PRLR: variants seen among roughly 807,000 people sequenced by gnomAD.
The protein encoded by PRLR is prolactin receptor, also known as hPRL receptor.
Under a neutral mutation model 40.2 loss-of-function variants are expected in PRLR, and 13 were observed. The ratio of observed to expected loss-of-function variants is 0.32; its 90% CI spans 0.21 to 0.51. The LOEUF (loss-of-function observed/expected upper bound fraction) is 0.51. Among genes scored for constraint, PRLR ranks in the 20% least tolerant of loss-of-function variants. The pLI is 0.97. For missense variants in PRLR, 656 were observed against 747.3 expected (o/e 0.88, Z 1.42); for synonymous variants, 269 against 278.7 (o/e 0.97, Z 0.35).
chr5:35,050,539 C>T (rs1037568817), intron 8 of PRLR, among the ~76,000 whole-genome samples: 1 of 152,028 alleles, frequency 6.6e-6, no homozygotes, highest in Non-Finnish European at 1.5e-5. Context: ...AGGGGAGAAG[C>T]CTTTCATCAA....
intron 1 of PRLR, among the ~76,000 whole-genome samples, chr5:35,186,765 TTTACAATGTTC>T (rs1436286781): frequency 2.0e-5 from 3 of 152,172 alleles, no homozygotes; most frequent in Non-Finnish European, 4.4e-5. Context: ...TAAGCAGATT[TTTACAATGTTC>T]TTGCTTAAAA....
At chr5:35,137,370 G>A (rs1224624534) in intron 1 of PRLR, among the ~76,000 whole-genome samples, 1 of 152,054 alleles carries the variant, frequency 6.6e-6, no homozygotes, top group Non-Finnish European at 1.5e-5. Flanking sequence ...TCTCATGGAG[G>A]ATCTCCAAAC....
In PRLR at chr5:35,068,880, TA is replaced by T. The variant is rs764061339; in HGVS notation, c.686-3del. The T allele has an allele frequency of 1.2e-6, 2 of 1,603,478 alleles. No homozygotes were observed. The highest frequency in any genetic ancestry group is 1.3e-5 in the African/African-American group (1 of 74,624). ...CGGTTGTATCATTCATGGTGAAGTC[TA>T]AAAAACAAACAGCCAGAAAGCTTTG... On this transcript the variant is annotated splice_region_variant and splice_polypyrimidine_tract_variant and intron_variant, in intron 7 of 9. Coordinates refer to ENST00000618457, the MANE Select transcript of PRLR (RefSeq NM_000949.7).
At chr5:35,127,940 C>T (rs1445606998) in intron 1 of PRLR, among the ~76,000 whole-genome samples, 1 of 152,010 alleles carries the variant, frequency 6.6e-6, no homozygotes, top group Non-Finnish European at 1.5e-5. Context: ...GATGGTTGCA[C>T]AACTGTAAAT....
At chr5:35,066,666 C>CTATTCCATCACCT (rs1471044647) in intron 9 of PRLR, among the ~76,000 whole-genome samples, 1 of 151,770 alleles carries the variant, frequency 6.6e-6, no homozygotes, top group African/African-American at 2.4e-5. Context: ...CTTCATCACC[C>CTATTCCATCACCT]TATTCCATAT....
At chr5:35,075,251 C>T (rs7714144) in intron 5 of PRLR, among the ~76,000 whole-genome samples, 14,605 of 152,130 alleles carry the variant, frequency 0.096, 1,091 homozygotes, top group African/African-American at 0.2. Flanking sequence ...TTGTCTCACC[C>T]GGGAAGTGCA....
chr5:35,106,465 CTGTATTCAGG>C (rs1772256992), intron 2 of PRLR, among the ~76,000 whole-genome samples: 1 of 152,158 alleles, frequency 6.6e-6, no homozygotes, highest in African/African-American at 2.4e-5. Flanking sequence ...CATCAGTGTG[CTGTATTCAGG>C]AGACCCACTT....
chr5:35,206,994 G>A (rs577919787), intron 1 of PRLR, among the ~76,000 whole-genome samples: 2 of 152,136 alleles, frequency 1.3e-5, no homozygotes, highest in South Asian at 4.1e-4. Context: ...ATCTTAATAT[G>A]TTAATATGAA....
At chr5:35,126,308 C>T (rs1402579302) in intron 1 of PRLR, among the ~76,000 whole-genome samples, 1 of 152,160 alleles carries the variant, frequency 6.6e-6, no homozygotes, top group African/African-American at 2.4e-5. Context: ...GGATCTGGCT[C>T]CCCAGAGCTG....
intron 1 of PRLR, among the ~76,000 whole-genome samples, chr5:35,217,376 G>A (rs1460542794): frequency 6.6e-6 from 1 of 152,160 alleles, no homozygotes; most frequent in African/African-American, 2.4e-5. Context: ...ACCCAGATGT[G>A]TGCATCTTGT....
chr5:35,173,467 G>T (rs62355513), intron 1 of PRLR, among the ~76,000 whole-genome samples: 1 of 152,038 alleles, frequency 6.6e-6, no homozygotes, highest in Admixed American at 6.5e-5. Context: ...TCAGGACCCC[G>T]CACAGCTCAG....
intron 1 of PRLR, among the ~76,000 whole-genome samples, chr5:35,118,811 G>T (rs959887569): frequency 1.3e-5 from 2 of 150,862 alleles, no homozygotes; most frequent in African/African-American, 4.9e-5. Context: ...TTTTTGACAG[G>T]GTCTTACTGT....
At chr5:35,106,395 A>G (rs1772252706) in intron 2 of PRLR, among the ~76,000 whole-genome samples, 3 of 152,240 alleles carry the variant, frequency 2.0e-5, no homozygotes, top group Non-Finnish European at 2.9e-5. Context: ...TTAAATGTAA[A>G]TGGGCTAAAT....
chr5:35,128,772 G>A (rs1249866384), intron 1 of PRLR, among the ~76,000 whole-genome samples: 2 of 152,118 alleles, frequency 1.3e-5, no homozygotes, highest in Non-Finnish European at 2.9e-5. Flanking sequence ...CCTCCTCTGA[G>A]ACTTGATAAT....
rs565541269 is a variant in PRLR, at chr5:35,176,622, G to T, written c.-106+53646C>A. ...TTAAACAGATGCTTGAAGGCAGCAC[G>T]CTCCTTAAGAGTCATCACCACTCCC... is the stretch of plus-strand genomic sequence containing the variant. On this transcript the variant is annotated intron_variant, in intron 1 of 9. Transcript: ENST00000618457. Among the ~76,000 whole-genome samples the T allele has an allele frequency of 4.2e-3, 639 of 152,318 alleles. 3 individuals are homozygous for T. The highest frequency in any genetic ancestry group is 0.014 in the African/African-American group (597 of 41,568).
At chr5:35,133,983 A>T (rs1773770159) in intron 1 of PRLR, among the ~76,000 whole-genome samples, 1 of 152,158 alleles carries the variant, frequency 6.6e-6, no homozygotes, top group African/African-American at 2.4e-5. Flanking sequence ...GAGCTAAACG[A>T]TGAGGATGCA....
At chr5:35,209,136 A>G (rs949608762) in intron 1 of PRLR, among the ~76,000 whole-genome samples, 1 of 151,620 alleles carries the variant, frequency 6.6e-6, no homozygotes, top group Admixed American at 6.6e-5. Flanking sequence ...TTCACCATGT[A>G]TCAGTGTTTT....
intron 1 of PRLR, among the ~76,000 whole-genome samples, chr5:35,173,253 A>G (rs950657456): frequency 1.3e-5 from 2 of 152,200 alleles, no homozygotes; most frequent in South Asian, 4.1e-4. Flanking sequence ...AAAATTCAAC[A>G]TCTCCCAGGA....
intron 1 of PRLR, among the ~76,000 whole-genome samples, chr5:35,215,910 G>A (rs527658459): frequency 2.0e-5 from 3 of 149,558 alleles, no homozygotes; most frequent in Non-Finnish European, 4.4e-5. Flanking sequence ...GCTTGGTGAC[G>A]CACATCTGTT....
Sources: gnomAD v4.1 joint callset for allele counts (sites outside exome capture counted in the v4.1 genomes callset) on GRCh38, gnomAD v4.1.1 for gene constraint, MANE v1.5 for transcripts, NCBI Gene and HGNC (gene_info 2026-07-23, HGNC 2026-07-21) for gene names.